The following WDR93 variants were observed in gnomAD, a reference collection of about 807,000 sequenced individuals.
The protein encoded by WDR93 is WD repeat-containing protein 93.
WDR93 carries 73 observed loss-of-function variants against 82.9 expected under a neutral mutation model. That is an observed-to-expected ratio of 0.88 (90% CI 0.73 to 1.07). The LOEUF is 1.07. Among genes scored for constraint, WDR93 ranks in the 50% least tolerant of loss-of-function variants. The pLI is 0.00. For synonymous variants in WDR93, 283 were observed against 300.1 expected (o/e 0.94, Z 0.59); for missense variants, 738 against 826.0 (o/e 0.89, Z 1.31).
At chr15:89,736,972 T>C (rs1967240625) in intron 14 of WDR93, among the ~76,000 whole-genome samples, 1 of 152,088 alleles carries the variant, frequency 6.6e-6, no homozygotes, top group Non-Finnish European at 1.5e-5. Flanking sequence ...TTTGTATTTT[T>C]AGTAGAGACG....
At chr15:89,695,362 T>C (rs1329065359) in intron 1 of WDR93, among the ~76,000 whole-genome samples, 1 of 152,152 alleles carries the variant, frequency 6.6e-6, no homozygotes, top group African/African-American at 2.4e-5. Flanking sequence ...GAGAGGGAGT[T>C]TCGCTGTATT....
At chr15:89,708,793 T>C (rs1167468182) in intron 4 of WDR93, among the ~76,000 whole-genome samples, 2 of 152,202 alleles carry the variant, frequency 1.3e-5, no homozygotes, top group African/African-American at 2.4e-5. Context: ...TGCAGCAGAC[T>C]AACCATTATG....
chr15:89,743,599 C>T lies in WDR93; in HGVS notation c.*208C>T, dbSNP rs550504482. The T allele has an allele frequency of 1.7e-6, 1 of 584,190 alleles. No homozygotes were observed. The highest frequency in any genetic ancestry group is 2.1e-5 in the South Asian group (1 of 48,762). 36.2% of individuals were successfully genotyped at this position (584,190 alleles called of 1,614,324 possible). The stretch of plus-strand genomic sequence containing the variant: ...CCTCTTGTCAGAGCCCTCAGGCAGG[C>T]AGATGTGTCACCCAAATAAACAGTG... On this transcript the variant is annotated 3_prime_UTR_variant, in exon 17 of 17. Transcript: ENST00000268130.
At chr15:89,696,789 C>T (rs1217317042) in intron 1 of WDR93, among the ~76,000 whole-genome samples, 1 of 152,022 alleles carries the variant, frequency 6.6e-6, no homozygotes, top group Non-Finnish European at 1.5e-5. Context: ...TTTAATACTC[C>T]TAGGGTAGAT....
rs141593934 is a variant in WDR93, at chr15:89,738,067, A to G, written c.1792A>G (p.Thr598Ala). The G allele has an allele frequency of 3.4e-4, 550 of 1,613,250 alleles. 1 individual carries two copies. The African/African-American group carries it at 6.3e-3, about 19-fold the overall frequency. ...AGACTATTCACATGAAACTGCGTCC[A>G]CCGACGATGCTGGAATCCAATATTC... ...RGDYSHETAS[T>A]DDAGIQYSVF... The change falls in exon 16 of 17, where the codon ACC becomes GCC. Residue 598 changes from threonine (T) to alanine (A), a missense_variant. By Grantham distance (58) the Thr-to-Ala change is moderately conservative. Coordinates refer to ENST00000268130, the MANE Select transcript of WDR93 (RefSeq NM_020212.2).
intron 16 of WDR93, among the ~76,000 whole-genome samples, chr15:89,740,161 A>G (rs1967541670): frequency 6.6e-6 from 1 of 152,210 alleles, no homozygotes; most frequent in African/African-American, 2.4e-5. Flanking sequence ...TGCTCAGTAA[A>G]TGGTAGTTAT....
chr15:89,727,679 TA>T (rs1966791501), intron 9 of WDR93, among the ~76,000 whole-genome samples: 1 of 152,224 alleles, frequency 6.6e-6, no homozygotes, highest in South Asian at 2.1e-4. Flanking sequence ...ATAATGGAGT[TA>T]AAAGAAGAAA....
chr15:89,690,755 C>T (rs1964826216), upstream of WDR93: 1 of 624,864 alleles, frequency 1.6e-6, no homozygotes, highest in Non-Finnish European at 2.7e-6. Flanking sequence ...TGAGTCTCTC[C>T]GCCCCAGAGG....
chr15:89,709,468 C>T (rs2141619488), intron 4 of WDR93, among the ~76,000 whole-genome samples: 1 of 151,752 alleles, frequency 6.6e-6, no homozygotes, highest in South Asian at 2.1e-4. Context: ...AATGTAAAAA[C>T]AAGCCAAAGA....
Position 89,735,457 on chromosome 15 carries a change from T to C in WDR93, c.1545-33T>C. On this transcript the variant is annotated intron_variant, in intron 13 of 16. Transcript: ENST00000268130. ...TATCAAAACTTTTAAACTCTTAAAGTAGGAGAATGTCTGTATATTTTCTGT... is the reference window on the plus strand; with the variant it reads ...TATCAAAACTTTTAAACTCTTAAAGCAGGAGAATGTCTGTATATTTTCTGT... 1.9e-6 allele frequency: 3 copies of C among 1,608,470 alleles called. No individual in the cohort carries two copies. The South Asian group carries it at 3.3e-5, about 18-fold the overall frequency.
At chr15:89,695,460 G>A (rs1221849314) in intron 1 of WDR93, among the ~76,000 whole-genome samples, 1 of 152,072 alleles carries the variant, frequency 6.6e-6, no homozygotes, top group Non-Finnish European at 1.5e-5. Context: ...TCAGCCTGCT[G>A]AGCTGCTAGA....
chr15:89,697,018 T>C (rs1243254312), intron 1 of WDR93, among the ~76,000 whole-genome samples: 3 of 151,778 alleles, frequency 2.0e-5, no homozygotes, highest in African/African-American at 7.3e-5. Flanking sequence ...ACTCAGGCTG[T>C]AGTGCAGTGG....
intron 12 of WDR93, 152 bp from the exon 13 acceptor site, chr15:89,732,854 G>C: frequency 2.8e-6 from 2 of 721,120 alleles, no homozygotes; most frequent in South Asian, 1.7e-5. Context: ...TTGGGCACTA[G>C]GTTTACTGAT....
intron 7 of WDR93, among the ~76,000 whole-genome samples, chr15:89,720,376 A>G (rs28526469): frequency 0.64 from 96,731 of 151,422 alleles, 32,132 homozygotes; most frequent in African/African-American, 0.75. Flanking sequence ...GGGTTCAAGC[A>G]ATTCTCCTGC....
chr15:89,734,644 C>A (rs1967011894), intron 13 of WDR93, among the ~76,000 whole-genome samples: 1 of 152,090 alleles, frequency 6.6e-6, no homozygotes, highest in South Asian at 2.1e-4. Flanking sequence ...TTCAATCTAC[C>A]ACACCATTTT....
chr15:89,740,198 C>A (rs1967544033), intron 16 of WDR93, among the ~76,000 whole-genome samples: 1 of 152,162 alleles, frequency 6.6e-6, no homozygotes, highest in Non-Finnish European at 1.5e-5. Flanking sequence ...CCCTGCTAAT[C>A]CAAGTTCATG....
chr15:89,717,041 CTTTCTTTT>C, intron 7 of WDR93, 92 bp downstream of exon 7: 2 of 335,768 alleles, frequency 6.0e-6, no homozygotes, highest in Non-Finnish European at 9.3e-6. Context: ...TTTTCTTTTT[CTTTCTTTT>C]TTTTTTTTTT....
intron 12 of WDR93, 130 bp from the exon 13 acceptor site, chr15:89,732,876 G>T: frequency 1.3e-6 from 1 of 784,636 alleles, no homozygotes; most frequent in Non-Finnish European, 2.2e-6. Context: ...TTCTCTCACA[G>T]GGTGCTCATT....
At chr15:89,709,872 T>C (rs540882629) in intron 4 of WDR93, among the ~76,000 whole-genome samples, 1 of 143,052 alleles carries the variant, frequency 7.0e-6, no homozygotes, top group Non-Finnish European at 1.6e-5. Context: ...AAAAAAAAAA[T>C]AATCAAGGCC....
Sources: allele counts gnomAD v4.1 joint callset (sites outside exome capture counted in the v4.1 genomes callset), GRCh38; gene constraint gnomAD v4.1.1; transcripts MANE v1.5; gene names NCBI Gene and HGNC (gene_info 2026-07-23, HGNC 2026-07-21).